The following USP44 variants were observed in gnomAD, a reference collection of about 807,000 sequenced individuals.
The protein encoded by USP44 is ubiquitin specific peptidase 44.
Under a neutral mutation model 69.0 loss-of-function variants are expected in USP44, and 61 were observed. The observed-to-expected ratio is 0.88, with a 90% CI of 0.72 to 1.09. The LOEUF is 1.09. Among genes scored for constraint, USP44 ranks in the 50% least tolerant of loss-of-function variants. The pLI, the probability that USP44 is intolerant of heterozygous loss-of-function variation, is 0.00. For missense variants in USP44, 753 were observed against 849.9 expected (o/e 0.89, Z 1.42); for synonymous variants, 297 against 295.4 (o/e 1.01, Z -0.06).
chr12:95,526,513 A>G (rs1489427661), intron 3 of USP44, among the ~76,000 whole-genome samples: 2 of 152,186 alleles, frequency 1.3e-5, no homozygotes, highest in East Asian at 3.9e-4. Flanking sequence ...CGGAGCTTGC[A>G]GTGAGCCGAG....
chr12:95,534,113 G>C lies in USP44; in HGVS notation c.144C>G (p.Ala48=), dbSNP rs1488363326. ...CATGCTCTTCAATATATCTTCCACAGGCAACATGGGAGCAGCTAAGGCAAG... is the reference window on the plus strand; with the variant it reads ...CATGCTCTTCAATATATCTTCCACACGCAACATGGGAGCAGCTAAGGCAAG... The part of the protein sequence containing the change: ...IWACLSCSHV[A]CGRYIEEHAL... Residue 48 remains alanine (A), a synonymous_variant, in exon 2 of 6, where the codon GCC becomes GCG. Coordinates refer to ENST00000258499, the MANE Select transcript of USP44 (RefSeq NM_032147.5). The C allele has an allele frequency of 2.5e-6, 4 of 1,614,002 alleles. No homozygotes were observed. Among genetic ancestry groups the C allele is most frequent in the Non-Finnish European group, 3.4e-6 (4 of 1,180,042 alleles).
At chr12:95,527,769 G>A (rs1052900974) in intron 3 of USP44, among the ~76,000 whole-genome samples, 1 of 151,434 alleles carries the variant, frequency 6.6e-6, no homozygotes. Context: ...ACAGGCGTAA[G>A]CCACCGCACC....
rs763135181 is a variant in USP44, at chr12:95,517,581, A to G, written c.*573T>C. On this transcript the variant is annotated 3_prime_UTR_variant, in exon 6 of 6. Transcript: ENST00000258499. ...TATAGTTTGACTATGCCAAAGAGCA[A>G]TTACTAAAGCAATTTTGGGGTTACA... 2 of 152,254 alleles carry G rather than the reference A, an allele frequency of 1.3e-5. No homozygotes were observed. The highest frequency in any genetic ancestry group is 2.9e-5 in the Non-Finnish European group (2 of 68,086). The allele number at this position is 152,254 out of a possible 1,614,324, so 9.4% of individuals were successfully genotyped here.
intron 1 of USP44, chr12:95,546,732 C>T (rs1470905473): frequency 6.6e-6 from 1 of 152,102 alleles, no homozygotes; most frequent in East Asian, 1.9e-4. Context: ...TTTTTGGCTA[C>T]CAAGAAGCCA....
chr12:95,518,978 T>C (rs550773235), intron 5 of USP44, among the ~76,000 whole-genome samples: 1 of 152,208 alleles, frequency 6.6e-6, no homozygotes, highest in South Asian at 2.1e-4. Flanking sequence ...GCCAACATGA[T>C]GTCATAAGTA....
chr12:95,534,615 A>G (rs2140303971), intron 1 of USP44, among the ~76,000 whole-genome samples: 1 of 151,862 alleles, frequency 6.6e-6, no homozygotes, highest in Non-Finnish European at 1.5e-5. Flanking sequence ...TTCCACTGAA[A>G]TAGCTTAAGA....
intron 1 of USP44, among the ~76,000 whole-genome samples, chr12:95,539,221 C>A (rs558628574): frequency 7.0e-6 from 1 of 143,380 alleles, no homozygotes; most frequent in South Asian, 2.2e-4. Flanking sequence ...AATGAAATGG[C>A]TTTTTTTTTT....
chr12:95,540,777 C>G (rs1233775709), intron 1 of USP44, among the ~76,000 whole-genome samples: 1 of 152,152 alleles, frequency 6.6e-6, no homozygotes, highest in Non-Finnish European at 1.5e-5. Flanking sequence ...TGGTAGCCTC[C>G]AAACTGGTCT....
At chr12:95,543,069 CAGA>C (rs2077442588) in intron 1 of USP44, among the ~76,000 whole-genome samples, 1 of 144,582 alleles carries the variant, frequency 6.9e-6, no homozygotes, top group South Asian at 2.2e-4. Flanking sequence ...GCCTGGGTGA[CAGA>C]AGGAGACTCT....
At chr12:95,535,668 G>A (rs913099906) in intron 1 of USP44, among the ~76,000 whole-genome samples, 2 of 152,144 alleles carry the variant, frequency 1.3e-5, no homozygotes, top group African/African-American at 2.4e-5. Flanking sequence ...CACTTCTGCT[G>A]TAAGTTATTT....
intron 1 of USP44, among the ~76,000 whole-genome samples, chr12:95,541,765 T>C (rs1370260030): frequency 1.3e-5 from 2 of 152,152 alleles, no homozygotes; most frequent in African/African-American, 4.8e-5. Flanking sequence ...CTACCTGTCA[T>C]GTGCACGCCA....
rs1456055954 is a variant in USP44 at position 95,533,731 on chromosome 12, G to C, written c.526C>G (p.Gln176Glu). The C allele has an allele frequency of 3.1e-6, 5 of 1,613,830 alleles. No individual in the cohort carries two copies. Among genetic ancestry groups the C allele is most frequent in the Admixed American group, 3.3e-5 (2 of 59,940 alleles). Reference sequence around the variant, plus strand: ...ATTTTTTCCTGAAATGGTTCTTCTTGCTTTTTTCTTCCAATGGGTGATTGT... The same window carrying C: ...ATTTTTTCCTGAAATGGTTCTTCTTCCTTTTTTCTTCCAATGGGTGATTGT... ...FEQSPIGRKKQEEPFQEKIVV... is the reference protein window; with the variant it reads ...FEQSPIGRKKEEEPFQEKIVV... The change falls in exon 2 of 6, where the codon CAA becomes GAA. Residue 176 changes from glutamine (Q) to glutamate (E), a missense_variant. Transcript: ENST00000258499.
rs115473192 is a variant in USP44, at chr12:95,521,865, T to A, written c.1734-663A>T. 8.9e-3 allele frequency among the ~76,000 whole-genome samples: 1,361 copies of A among 152,270 alleles called. 26 individuals are homozygous for A. The highest frequency in any genetic ancestry group is 0.031 in the African/African-American group (1,307 of 41,526). The stretch of plus-strand genomic sequence containing the variant: ...TCCCAGATGGGAGCTACAATCTGGA[T>A]CTTTCTTGGCCAGGTATGGAGGAAA... On this transcript the variant is annotated intron_variant, in intron 4 of 5. Coordinates refer to ENST00000258499, the MANE Select transcript of USP44 (RefSeq NM_032147.5).
intron 1 of USP44, among the ~76,000 whole-genome samples, chr12:95,540,543 T>C (rs2077354623): frequency 6.6e-6 from 1 of 152,096 alleles, no homozygotes; most frequent in Non-Finnish European, 1.5e-5. Context: ...GGTTTCACCG[T>C]GTTGGCCAGG....
chr12:95,533,013 G>A lies in USP44; in HGVS notation c.1244C>T (p.Ala415Val). ...MLHSVWRLIP[A>V]FRGYAQQDAQ... ...GTCTTGTTGGGCGTAACCACGAAAG[G>A]CAGGAATGAGTCTCCACACTGAGTG... The change falls in exon 2 of 6, where the codon GCC becomes GTC. Residue 415 changes from alanine (A) to valine (V), a missense_variant. Coordinates refer to ENST00000258499, the MANE Select transcript of USP44 (RefSeq NM_032147.5). 1 of 1,614,168 alleles carries A rather than the reference G, an allele frequency of 6.2e-7. No individual in the cohort carries two copies. Among genetic ancestry groups the A allele is most frequent in the Non-Finnish European group, 8.5e-7 (1 of 1,180,026 alleles).
chr12:95,549,069 C>T (rs1191411759), intron 1 of USP44, among the ~76,000 whole-genome samples: 1 of 152,206 alleles, frequency 6.6e-6, no homozygotes, highest in Non-Finnish European at 1.5e-5. Context: ...GCCGTCGGGA[C>T]ACGGGAGGGT....
chr12:95,529,703 G>T (rs567645814), intron 2 of USP44, among the ~76,000 whole-genome samples: 3 of 152,288 alleles, frequency 2.0e-5, no homozygotes, highest in East Asian at 3.9e-4. Context: ...TTACAGGCGT[G>T]AGCCACCATG....
chr12:95,545,645 T>G (rs1410012783), intron 1 of USP44, among the ~76,000 whole-genome samples: 1 of 152,238 alleles, frequency 6.6e-6, no homozygotes, highest in East Asian at 1.9e-4. Context: ...TATTCTGTCC[T>G]CTTAAGAAAT....
intron 1 of USP44, among the ~76,000 whole-genome samples, chr12:95,539,039 A>G (rs1417670253): frequency 6.6e-6 from 1 of 152,228 alleles, no homozygotes; most frequent in Non-Finnish European, 1.5e-5. Context: ...ACAAAATATT[A>G]CCTGTACCAA....
Sources: gnomAD v4.1 joint callset for allele counts (sites outside exome capture counted in the v4.1 genomes callset) on GRCh38, gnomAD v4.1.1 for gene constraint, MANE v1.5 for transcripts, NCBI Gene and HGNC (gene_info 2026-07-23, HGNC 2026-07-21) for gene names.